The following DLGAP2 variants were observed in gnomAD, a reference collection of about 807,000 sequenced individuals.
DLGAP2 encodes the protein disks large-associated protein 2.
Under a neutral mutation model 100.3 loss-of-function variants are expected in DLGAP2, and 26 were observed. The observed-to-expected ratio is 0.26, with a 90% CI of 0.19 to 0.36. The LOEUF (loss-of-function observed/expected upper bound fraction) is 0.36, where lower values mean the gene tolerates loss of function less well. Ranked by LOEUF, DLGAP2 falls within the 10% of genes least tolerant of loss-of-function variation. DLGAP2 has a pLI of 1.00. For missense variants in DLGAP2, 1,858 were observed against 1,453.2 expected, an observed-to-expected ratio of 1.28 and a Z score of -4.53; for synonymous variants, 886 against 630.1, an observed-to-expected ratio of 1.41 and a Z score of -6.08.
intron 1 of DLGAP2, among the ~76,000 whole-genome samples, chr8:810,501 TC>T (rs1054554700): frequency 6.6e-6 from 1 of 152,214 alleles, no homozygotes; most frequent in African/African-American, 2.4e-5. Context: ...CCTATTGTTT[TC>T]GAAGTACATT....
intron 3 of DLGAP2, among the ~76,000 whole-genome samples, chr8:1,441,766 G>A (rs964026940): frequency 6.7e-6 from 1 of 150,008 alleles, no homozygotes; most frequent in African/African-American, 2.4e-5. Context: ...GTGAGAGTGG[G>A]CTTTCAACAG....
intron 4 of DLGAP2, among the ~76,000 whole-genome samples, chr8:1,518,198 C>T (rs1367641225): frequency 3.3e-5 from 5 of 152,142 alleles, no homozygotes; most frequent in African/African-American, 1.2e-4. Flanking sequence ...CAATTGGACA[C>T]GGAATCGAGT....
chr8:1,525,230 G>A (rs1456216753), intron 4 of DLGAP2, among the ~76,000 whole-genome samples: 29 of 112,706 alleles, frequency 2.6e-4, no homozygotes, highest in Non-Finnish European at 1.6e-4. Flanking sequence ...TGACATTGTT[G>A]AAACTTTTGG....
chr8:1,202,636 G>T (rs946370291), intron 2 of DLGAP2, among the ~76,000 whole-genome samples: 1 of 152,188 alleles, frequency 6.6e-6, no homozygotes, highest in African/African-American at 2.4e-5. Flanking sequence ...AGGCTCTGGG[G>T]ATGGGGGGCC....
At chr8:1,152,047 G>A (rs567666338) in intron 2 of DLGAP2, among the ~76,000 whole-genome samples, 17 of 152,304 alleles carry the variant, frequency 1.1e-4, no homozygotes, top group African/African-American at 3.9e-4. Context: ...TTCCAAATTA[G>A]AAGATGACAA....
At chr8:833,943 C>T (rs1263164966) in intron 1 of DLGAP2, among the ~76,000 whole-genome samples, 8 of 152,192 alleles carry the variant, frequency 5.3e-5, no homozygotes, top group Admixed American at 3.3e-4. Context: ...GAGCTGGTGG[C>T]TCCTCAGTGG....
intron 3 of DLGAP2, among the ~76,000 whole-genome samples, chr8:1,414,446 A>G (rs1185790863): frequency 6.6e-6 from 1 of 152,180 alleles, no homozygotes; most frequent in African/African-American, 2.4e-5. Flanking sequence ...GTGGGAGGCA[A>G]GAGGCATGGG....
At chr8:1,346,474 G>A (rs974650590) in intron 3 of DLGAP2, among the ~76,000 whole-genome samples, 1 of 149,138 alleles carries the variant, frequency 6.7e-6, no homozygotes, top group Non-Finnish European at 1.5e-5. Flanking sequence ...TGGAGGTTGT[G>A]TTCCCATACA....
intron 1 of DLGAP2, among the ~76,000 whole-genome samples, chr8:888,767 C>T (rs1003719149): frequency 1.3e-5 from 2 of 152,052 alleles, no homozygotes; most frequent in African/African-American, 4.8e-5. Context: ...CTTCTGGGAC[C>T]TCTGACCTTG....
chr8:1,233,731 A>G (rs1486582586), intron 2 of DLGAP2, among the ~76,000 whole-genome samples: 1 of 152,176 alleles, frequency 6.6e-6, no homozygotes, highest in Non-Finnish European at 1.5e-5. Flanking sequence ...TCTGGGAAAC[A>G]CGCAGGGCTG....
intron 10 of DLGAP2, among the ~76,000 whole-genome samples, chr8:1,675,573 G>T (rs191174390): frequency 6.6e-6 from 1 of 152,320 alleles, no homozygotes; most frequent in Admixed American, 6.5e-5. Flanking sequence ...TTAACGTGCA[G>T]CTCCTCTCTC....
intron 2 of DLGAP2, chr8:910,270 C>T (rs112528712): frequency 6.6e-6 from 1 of 152,174 alleles, no homozygotes. Context: ...TTTAGAAATG[C>T]TTTATACTCC....
intron 2 of DLGAP2, among the ~76,000 whole-genome samples, chr8:1,133,296 C>G (rs1307267438): frequency 6.6e-6 from 1 of 152,056 alleles, no homozygotes; most frequent in Non-Finnish European, 1.5e-5. Context: ...TGGGGGGTTT[C>G]CAGTTCATTT....
At chr8:792,934 A>G (rs1017706835) in intron 1 of DLGAP2, among the ~76,000 whole-genome samples, 3 of 152,114 alleles carry the variant, frequency 2.0e-5, no homozygotes, top group Non-Finnish European at 2.9e-5. Flanking sequence ...GTGCTTTTCT[A>G]TCAGCACCTT....
At chr8:907,766 C>T (rs994850641) in intron 1 of DLGAP2, 146 bp from the exon 2 acceptor site, 6 of 390,266 alleles carry the variant, frequency 1.5e-5, no homozygotes, top group Admixed American at 4.4e-5. Flanking sequence ...TTTTCTGTAC[C>T]GTTTAATTTG....
At chr8:1,083,427 C>T (rs1803874103) in intron 2 of DLGAP2, among the ~76,000 whole-genome samples, 1 of 152,140 alleles carries the variant, frequency 6.6e-6, no homozygotes, top group Non-Finnish European at 1.5e-5. Context: ...CCAGATCTTA[C>T]GGGGGGTTTG....
intron 3 of DLGAP2, among the ~76,000 whole-genome samples, chr8:1,390,101 G>A (rs1223022627): frequency 6.6e-6 from 1 of 152,092 alleles, no homozygotes; most frequent in Non-Finnish European, 1.5e-5. Context: ...CAGGGCCCTG[G>A]TGGAGTATCA....
intron 2 of DLGAP2, among the ~76,000 whole-genome samples, chr8:1,241,335 A>G (rs1282522407): frequency 2.1e-5 from 3 of 141,106 alleles, no homozygotes; most frequent in Non-Finnish European, 3.1e-5. Context: ...CACTGTGTCT[A>G]GTTGTCTCAC....
intron 1 of DLGAP2, among the ~76,000 whole-genome samples, chr8:838,176 G>T (rs1796916804): frequency 6.6e-6 from 1 of 152,094 alleles, no homozygotes; most frequent in African/African-American, 2.4e-5. Context: ...TTTAAGGGAT[G>T]CTGGCATCGT....
Sources: gnomAD v4.1 joint callset for allele counts (sites outside exome capture counted in the v4.1 genomes callset) on GRCh38, gnomAD v4.1.1 for gene constraint, MANE v1.5 for transcripts, NCBI Gene and HGNC (gene_info 2026-07-23, HGNC 2026-07-21) for gene names.